DOP1B: variants seen among roughly 807,000 people sequenced by gnomAD.
DOP1B encodes protein DOP1B.
Under a neutral mutation model 233.5 loss-of-function variants are expected in DOP1B, and 174 were observed. The ratio of observed to expected loss-of-function variants is 0.75; its 90% CI spans 0.66 to 0.85. The LOEUF (loss-of-function observed/expected upper bound fraction) is 0.85, where lower values mean the gene tolerates loss of function less well. Ranked by LOEUF, DOP1B falls within the 40% of genes least tolerant of loss-of-function variation. The probability of loss-of-function intolerance (pLI) is 0.00; values close to 1 mark genes in which losing one functional copy is unlikely to be tolerated. For missense variants in DOP1B, 2,652 were observed against 2,846.6 expected (o/e 0.93, Z 1.56); for synonymous variants, 1,190 against 1,185.6 (o/e 1.00, Z -0.08).
Position 36,231,844 on chromosome 21 carries a change from A to AT in DOP1B, c.2350+730dup, listed in dbSNP as rs35336231. 8.1e-3 allele frequency among the ~76,000 whole-genome samples: 967 copies of AT among 119,898 alleles called. 19 individuals are homozygous for AT. The highest frequency in any genetic ancestry group is 0.028 in the African/African-American group (848 of 30,542). 78.7% of individuals were successfully genotyped at this position (119,898 alleles called of 152,430 possible). A position where few individuals can be genotyped will look rare whatever the true frequency, so the allele number is the denominator to read the frequency against. ...AGGCACGTGCCACTACGCCCAGCTAATTTTTTTTTTTTTTTTTTTTGAGAC... is the reference window on the plus strand; with the variant it reads ...AGGCACGTGCCACTACGCCCAGCTAATTTTTTTTTTTTTTTTTTTTTGAGAC... On this transcript the variant is annotated intron_variant, in intron 14 of 36. Coordinates refer to ENST00000691173, the MANE Select transcript of DOP1B (RefSeq NM_001320714.2).
chr21:36,209,489 C>T (rs184210812), intron 5 of DOP1B, among the ~76,000 whole-genome samples: 1 of 152,364 alleles, frequency 6.6e-6, no homozygotes, highest in African/African-American at 2.4e-5. Flanking sequence ...ACACGGCGCT[C>T]AGACGGCCTC....
At chr21:36,225,779 C>A (rs980737911) in intron 12 of DOP1B, 112 bp downstream of exon 12, 3 of 1,063,118 alleles carry the variant, frequency 2.8e-6, no homozygotes, top group Non-Finnish European at 4.2e-6. Context: ...CATAAATATG[C>A]AACACTGTTT....
In DOP1B at chr21:36,193,380, G is replaced by C. The variant is rs548026270; in HGVS notation, c.139-5690G>C. 3.3e-5 allele frequency among the ~76,000 whole-genome samples: 5 copies of C among 152,258 alleles called. No individual in the cohort carries two copies. In the East Asian group the frequency reaches 7.7e-4, roughly 24 times the overall value. The stretch of plus-strand genomic sequence containing the variant: ...TCAGGAATACCCCGGGGGGAATTTA[G>C]CAAGGCCTGTTTGTTCAGGTTCTTC... On this transcript the variant is annotated intron_variant, in intron 2 of 36. Transcript: ENST00000691173.
At chr21:36,251,560 T>C (rs2067033136) in intron 22 of DOP1B, among the ~76,000 whole-genome samples, 1 of 152,146 alleles carries the variant, frequency 6.6e-6, no homozygotes, top group African/African-American at 2.4e-5. Context: ...ACTGGAATTA[T>C]AGGTGCCCGC....
Position 36,245,210 on chromosome 21 carries a change from A to G in DOP1B, c.3230A>G (p.Lys1077Arg), listed in dbSNP as rs2066941854. 6.2e-7 allele frequency: 1 copy of G among 1,614,094 alleles called. No individual in the cohort carries two copies. The highest frequency in any genetic ancestry group is 1.1e-5 in the South Asian group (1 of 91,090). The change falls in exon 19 of 37, where the codon AAG becomes AGG. Residue 1077 changes from lysine (K) to arginine (R), a missense_variant. This residue lies in a region of DOP1B where 2,617 missense variants were observed against 2,794.3 expected (regional missense o/e 0.94). Coordinates refer to ENST00000691173, the MANE Select transcript of DOP1B (RefSeq NM_001320714.2). The surrounding 1 kb of genome is among the most constrained non-coding windows in gnomAD (Gnocchi z 5.5). ...IWAEVEKEPEKYPLRGELSEE... is the reference protein window; with the variant it reads ...IWAEVEKEPERYPLRGELSEE... Reference sequence around the variant, plus strand: ...GCCGAAGTGGAGAAGGAGCCCGAGAAGTACCCGCTGCGAGGCGAGCTGAGC... The same window carrying G: ...GCCGAAGTGGAGAAGGAGCCCGAGAGGTACCCGCTGCGAGGCGAGCTGAGC...
rs2067269409 is a variant in DOP1B at position 36,270,022 on chromosome 21, C to G, written c.5497C>G (p.Gln1833Glu). 6.2e-7 allele frequency: 1 copy of G among 1,613,870 alleles called. No individual in the cohort carries two copies. Among genetic ancestry groups the G allele is most frequent in the Non-Finnish European group, 8.5e-7 (1 of 1,179,948 alleles). ...KDQKDLQEITQKILEAVGNIA... is the reference protein window; with the variant it reads ...KDQKDLQEITEKILEAVGNIA... ...TCCTGATAATTCTCAGGAAATCACTCAGAAAATCCTAGAAGCTGTGGGGAA... is the reference window on the plus strand; with the variant it reads ...TCCTGATAATTCTCAGGAAATCACTGAGAAAATCCTAGAAGCTGTGGGGAA... The change falls in exon 27 of 37, where the codon CAG (glutamine) becomes GAG (glutamate). Residue 1833 changes from glutamine (Q) to glutamate (E), a missense_variant. Physicochemically the swap from Gln to Glu is conservative, Grantham distance 29. Coordinates refer to ENST00000691173, the MANE Select transcript of DOP1B (RefSeq NM_001320714.2).
At chr21:36,208,545 A>C (rs2066455081) in intron 4 of DOP1B, among the ~76,000 whole-genome samples, 170 bp from the exon 5 acceptor site, 1 of 152,214 alleles carries the variant, frequency 6.6e-6, no homozygotes, top group African/African-American at 2.4e-5. Flanking sequence ...CAGCAGGTGG[A>C]CACACACAGC....
intron 2 of DOP1B, among the ~76,000 whole-genome samples, chr21:36,179,408 T>C (rs992590437): frequency 3.3e-5 from 5 of 152,262 alleles, no homozygotes; most frequent in African/African-American, 1.2e-4. Flanking sequence ...AGTGTAATAC[T>C]CTCTTATTGT....
intron 17 of DOP1B, 93 bp downstream of exon 17, chr21:36,238,794 C>A: frequency 8.0e-7 from 1 of 1,252,066 alleles, no homozygotes; most frequent in South Asian, 1.2e-5. Context: ...GGGAGAGGAG[C>A]GTGCAGTTGA....
At chr21:36,159,024 C>G (rs554943761) in intron 1 of DOP1B, among the ~76,000 whole-genome samples, 4 of 151,670 alleles carry the variant, frequency 2.6e-5, no homozygotes, top group Non-Finnish European at 5.9e-5. Flanking sequence ...CCCAGCTACT[C>G]GGGAGGCTGA....
At chr21:36,252,783 T>C (rs931920560) in intron 22 of DOP1B, among the ~76,000 whole-genome samples, 1 of 152,228 alleles carries the variant, frequency 6.6e-6, no homozygotes, top group Non-Finnish European at 1.5e-5. Flanking sequence ...GTGCTGGGAT[T>C]ACAGGCGTGA....
intron 22 of DOP1B, among the ~76,000 whole-genome samples, chr21:36,252,408 C>T (rs1202882393): frequency 7.3e-6 from 1 of 137,620 alleles, no homozygotes; most frequent in East Asian, 2.1e-4. Context: ...CAGTGAGCTA[C>T]GATTGTGCCA....
rs371268976 is a variant in DOP1B, at chr21:36,232,945, T to G, written c.2492T>G (p.Ile831Ser). Residue 831 changes from isoleucine to serine, a missense_variant, in exon 15 of 37, where the codon ATT becomes AGT. Coordinates refer to ENST00000691173, the MANE Select transcript of DOP1B (RefSeq NM_001320714.2). ...INHSQSLALV[I>S]EDKMKRYKSS... ...CATTCCCAGTCCCTGGCGCTTGTCA[T>G]TGAAGACAAGATGAAACGCTATAAG... The G allele has an allele frequency of 6.2e-7, 1 of 1,614,140 alleles. No homozygotes were observed.
At chr21:36,278,473 C>T (rs1280270126) in intron 30 of DOP1B, 118 bp downstream of exon 30, 7 of 1,054,848 alleles carry the variant, frequency 6.6e-6, no homozygotes, top group Non-Finnish European at 8.1e-6. Flanking sequence ...ACCCAAATAA[C>T]AGGACGTCCC....
At chr21:36,277,840 C>T in intron 28 of DOP1B, 135 bp from the exon 29 acceptor site, 1 of 661,516 alleles carries the variant, frequency 1.5e-6, no homozygotes, top group Non-Finnish European at 2.6e-6. Flanking sequence ...TGGGGTTTCA[C>T]CATGTTGGCC....
chr21:36,227,295 T>C (rs185206018), intron 12 of DOP1B, among the ~76,000 whole-genome samples: 2,765 of 147,360 alleles, frequency 0.019, 65 homozygotes, highest in African/African-American at 0.057. Flanking sequence ...CGCCTGTAAT[T>C]CCAGCACTTT....
At chr21:36,270,652 G>A (rs1359192070) in intron 27 of DOP1B, among the ~76,000 whole-genome samples, 2 of 149,584 alleles carry the variant, frequency 1.3e-5, no homozygotes, top group African/African-American at 2.5e-5. Flanking sequence ...GGTGGCTCAC[G>A]CCTGTAATCC....
In DOP1B at chr21:36,293,216, A is replaced by C. The variant is rs925537002; in HGVS notation, c.6646-104A>C. 80 of 1,367,984 alleles carry C rather than the reference A, an allele frequency of 5.8e-5. No individual in the cohort carries two copies. In the African/African-American group the frequency reaches 1.1e-3, roughly 19 times the overall value. The allele number at this position is 1,367,984 out of a possible 1,614,324, so 84.7% of individuals were successfully genotyped here. A position where few individuals can be genotyped will look rare whatever the true frequency, so the allele number is the denominator to read the frequency against. On this transcript the variant is annotated intron_variant, in intron 36 of 36. Transcript: ENST00000691173. ...GCAAGACTCTGTCTCAAAAAAAAAA[A>C]AAAAGGACCTTATTTCTTAGGTTTT...
intron 5 of DOP1B, among the ~76,000 whole-genome samples, chr21:36,210,105 G>A (rs1009325521): frequency 1.3e-5 from 2 of 151,910 alleles, no homozygotes; most frequent in Non-Finnish European, 2.9e-5. Context: ...CTGGCTTCTT[G>A]TCTCTTACTC....
Sources: gnomAD v4.1 joint callset for allele counts (sites outside exome capture counted in the v4.1 genomes callset) on GRCh38, gnomAD v4.1.1 for gene constraint, gnomAD v4.1.1 regional missense constraint, Gnocchi (gnomAD v3.1) non-coding constraint, MANE v1.5 for transcripts, NCBI Gene and HGNC (gene_info 2026-07-23, HGNC 2026-07-21) for gene names.